The following BEND7 variants were observed in gnomAD, a reference collection of about 807,000 sequenced individuals.
The protein encoded by BEND7 is BEN domain containing 7.
A neutral mutation model predicts 50.9 loss-of-function variants in BEND7; 28 were observed. That is an observed-to-expected ratio of 0.55 (90% confidence interval 0.41 to 0.75). BEND7 has a LOEUF of 0.75. Among genes scored for constraint, BEND7 ranks in the 30% least tolerant of loss-of-function variants. The pLI, the probability that BEND7 is intolerant of heterozygous loss-of-function variation, is 0.00. For synonymous variants in BEND7, 170 were observed against 183.9 expected (o/e 0.92, Z 0.61); for missense variants, 477 against 491.3 (o/e 0.97, Z 0.28).
downstream of BEND7, chr10:13,439,022 A>C (rs1488053700): frequency 9.3e-6 from 7 of 755,804 alleles, no homozygotes; most frequent in African/African-American, 1.8e-5. Context: ...GTCCAACTTT[A>C]ATCAGTCCAC....
intron 6 of BEND7, 115 bp from the exon 7 acceptor site, chr10:13,452,773 G>A (rs1488724065): frequency 4.3e-6 from 4 of 921,322 alleles, no homozygotes; most frequent in African/African-American, 1.7e-5. Flanking sequence ...GGTCAGTTCT[G>A]CACGATATGT....
chr10:13,486,449 C>T (rs2076229867), intron 5 of BEND7, among the ~76,000 whole-genome samples: 1 of 152,178 alleles, frequency 6.6e-6, no homozygotes, highest in South Asian at 2.1e-4. Flanking sequence ...ACAGAGGTGG[C>T]CTGGGGACAC....
At chr10:13,509,346 A>C (rs963554870) in intron 2 of BEND7, among the ~76,000 whole-genome samples, 2 of 152,086 alleles carry the variant, frequency 1.3e-5, no homozygotes, top group African/African-American at 4.8e-5. Context: ...CTTCCTACGG[A>C]CCCTGGGCCC....
At chr10:13,465,575 C>T (rs1588731714) in intron 6 of BEND7, among the ~76,000 whole-genome samples, 1 of 152,178 alleles carries the variant, frequency 6.6e-6, no homozygotes, top group East Asian at 1.9e-4. Context: ...GATTCCAAGC[C>T]ATATTTATCT....
intron 2 of BEND7, among the ~76,000 whole-genome samples, chr10:13,512,310 G>A (rs1023644851): frequency 6.6e-6 from 1 of 152,160 alleles, no homozygotes; most frequent in African/African-American, 2.4e-5. Context: ...TGTGAAGCCT[G>A]TTAGTTCTAC....
chr10:13,449,654 TC>T (rs1241596036), intron 7 of BEND7, among the ~76,000 whole-genome samples: 2 of 152,234 alleles, frequency 1.3e-5, no homozygotes, highest in African/African-American at 4.8e-5. Flanking sequence ...TAATTGCTTT[TC>T]ATTTAGTTAT....
At chr10:13,441,038 C>T (rs1835247364), downstream of BEND7, 1 of 919,114 alleles carries the variant, frequency 1.1e-6, no homozygotes, top group Admixed American at 6.2e-5. Context: ...GCACTGACTT[C>T]TCTTCATAAA....
Position 13,462,429 on chromosome 10 carries a change from C to T in BEND7, c.1064-9771G>A, listed in dbSNP as rs533472034. Among the ~76,000 whole-genome samples, 4 of 152,320 alleles carry T rather than the reference C, an allele frequency of 2.6e-5. 1 individual carries two copies. The South Asian group carries it at 6.2e-4, about 24-fold the overall frequency. On this transcript the variant is annotated intron_variant, in intron 6 of 8. Transcript: ENST00000466271. ...TACCACAAGAACAGTATGGGGGAAC[C>T]ACCCCCATGATTCAGTTATTTCCAC...
chr10:13,494,846 T>C (rs2076923335), intron 4 of BEND7, among the ~76,000 whole-genome samples: 1 of 152,250 alleles, frequency 6.6e-6, no homozygotes, highest in African/African-American at 2.4e-5. Flanking sequence ...ACTTTCTAAA[T>C]GTAATTTAAA....
intron 6 of BEND7, among the ~76,000 whole-genome samples, chr10:13,457,369 G>C (rs896432198): frequency 1.3e-5 from 2 of 152,180 alleles, no homozygotes; most frequent in Admixed American, 6.5e-5. Context: ...TCACTAAAAG[G>C]GCAGCCGTGT....
chr10:13,500,068 A>C lies in BEND7; in HGVS notation c.158T>G (p.Met53Arg). Reference protein sequence around the residue: ...TQPIFLGDESMEIKKQITGMR... With the variant: ...TQPIFLGDESREIKKQITGMR... ...CCCTGTAATTTGCTTTTTTATTTCCATGCTTTCATCTCCTAATGGAAACAG... is the reference window on the plus strand; with the variant it reads ...CCCTGTAATTTGCTTTTTTATTTCCCTGCTTTCATCTCCTAATGGAAACAG... Residue 53 changes from methionine to arginine, a missense_variant, in exon 3 of 9, where the codon ATG becomes AGG. Physicochemically the swap from Met to Arg is moderately conservative, Grantham distance 91. Coordinates refer to ENST00000466271, the MANE Select transcript of BEND7 (RefSeq NM_001369863.1). 1 of 1,593,308 alleles carries C rather than the reference A, an allele frequency of 6.3e-7. No individual in the cohort carries two copies. The highest frequency in any genetic ancestry group is 1.3e-5 in the African/African-American group (1 of 74,388).
At chr10:13,450,470 G>A (rs1837425174) in intron 7 of BEND7, among the ~76,000 whole-genome samples, 1 of 152,174 alleles carries the variant, frequency 6.6e-6, no homozygotes, top group Non-Finnish European at 1.5e-5. Flanking sequence ...CCACTTCTGT[G>A]CCCTAGAGGA....
chr10:13,500,688 A>G, intron 2 of BEND7: 1 of 985,634 alleles, frequency 1.0e-6, no homozygotes, highest in Non-Finnish European at 1.2e-6. Flanking sequence ...ACCTTCAGAG[A>G]GGACGGCCGA....
intron 2 of BEND7, among the ~76,000 whole-genome samples, chr10:13,516,982 A>G (rs2078728797): frequency 6.6e-6 from 1 of 152,048 alleles, no homozygotes; most frequent in African/African-American, 2.4e-5. Context: ...TGTTGATTGG[A>G]ATATCTGGTT....
intron 4 of BEND7, 39 bp from the exon 5 acceptor site, chr10:13,492,915 G>C (rs1238105651): frequency 6.4e-7 from 1 of 1,574,528 alleles, no homozygotes; most frequent in African/African-American, 1.4e-5. Context: ...AGGCACGTGT[G>C]TCTGACTTAG....
At chr10:13,447,425 C>T (rs966279608) in intron 7 of BEND7, 109 bp from the exon 8 acceptor site, 2 of 1,050,772 alleles carry the variant, frequency 1.9e-6, no homozygotes, top group East Asian at 2.5e-5. Context: ...TAACTGTTTT[C>T]ACCATTCTTT....
intron 3 of BEND7, 54 bp downstream of exon 3, chr10:13,499,724 T>C (rs72785320): frequency 2.1e-5 from 30 of 1,452,548 alleles, no homozygotes; most frequent in East Asian, 9.2e-5. Context: ...TATTTAGAAA[T>C]AGAACAGTAC....
chr10:13,481,739 T>A (rs1022411868), intron 5 of BEND7, among the ~76,000 whole-genome samples: 4 of 152,200 alleles, frequency 2.6e-5, no homozygotes, highest in African/African-American at 9.7e-5. Context: ...GCAGTTTAAA[T>A]CCACTCCCCA....
At position 13,451,397 on chromosome 10, in the gene BEND7, G is replaced by GT. The variant is rs1201505202; in HGVS notation, c.1183+1141dup. The stretch of plus-strand genomic sequence containing the variant: ...CTTTTTTTTTGGTGTGTGTGTGTGT[G>GT]TTTGTGTGTGTGTAGATAGGGTCTC... On this transcript the variant is annotated intron_variant, in intron 7 of 8. Coordinates refer to ENST00000466271, the MANE Select transcript of BEND7 (RefSeq NM_001369863.1). Among the ~76,000 whole-genome samples, 5 of 151,138 alleles carry GT rather than the reference G, an allele frequency of 3.3e-5. No homozygotes were observed. The East Asian group carries it at 9.8e-4, about 30-fold the overall frequency.
Sources: allele counts gnomAD v4.1 joint callset (sites outside exome capture counted in the v4.1 genomes callset), GRCh38; gene constraint gnomAD v4.1.1; transcripts MANE v1.5; gene names NCBI Gene and HGNC (gene_info 2026-07-23, HGNC 2026-07-21).